XKRX: variants seen among roughly 807,000 people sequenced by gnomAD.
XKRX encodes the protein XK-related protein 2.
In XKRX, 11 loss-of-function variants were observed where a neutral mutation model predicts 22.4. That is an observed-to-expected ratio of 0.49 (90% confidence interval 0.31 to 0.81). The LOEUF is 0.81. XKRX is among the 40% of genes least tolerant of loss of function. The pLI, the probability that XKRX is intolerant of heterozygous loss-of-function variation, is 0.05. For missense variants in XKRX, 320 were observed against 336.5 expected, an observed-to-expected ratio of 0.95 and a Z score of 0.38; for synonymous variants, 114 against 132.2, an observed-to-expected ratio of 0.86 and a Z score of 0.94.
intron 2 of XKRX, among the ~76,000 whole-genome samples, chrX:100,917,674 A>AAAGAAAGAAAGAAAGAAAGAAAAG (rs34196882): frequency 2.8e-4 from 7 of 25,413 alleles, no homozygotes; most frequent in African/African-American, 1.2e-3. Context: ...AGAAAGAAAG[A>AAAGAAAGAAAGAAAGAAAGAAAAG]AAAGAAAGAA....
chrX:100,956,694 G>T, the XKRX span: 1 of 551,977 alleles, frequency 1.8e-6, no homozygotes, highest in Admixed American at 2.3e-5. Context: ...TGAAAGTGAA[G>T]AGCAAGATGA....
the XKRX span, among the ~76,000 whole-genome samples, chrX:100,950,814 C>G: frequency 2.7e-5 from 3 of 111,548 alleles, no homozygotes; most frequent in Admixed American, 9.6e-5. Flanking sequence ...GAAGAAGTCT[C>G]AAGGGAAATT....
At chrX:100,949,364 G>GGTT in the XKRX span, among the ~76,000 whole-genome samples, 1 of 15,993 alleles carries the variant, frequency 6.3e-5, no homozygotes, top group Non-Finnish European at 1.6e-4. Context: ...GTTTTTGGTT[G>GGTT]TTTTTTTTTT....
At chrX:100,892,063 C>T in the XKRX span, among the ~76,000 whole-genome samples, 1 of 111,367 alleles carries the variant, frequency 9.0e-6, no homozygotes, top group Non-Finnish European at 1.9e-5. Flanking sequence ...AAAGCTTCTG[C>T]ACAGCAAAGG....
At chrX:100,924,568 T>C (rs926808001) in intron 1 of XKRX, among the ~76,000 whole-genome samples, 2 of 111,508 alleles carry the variant, frequency 1.8e-5, no homozygotes, top group Admixed American at 1.9e-4. Context: ...AACACCTGAG[T>C]TACCACTTCG....
chrX:100,909,902 C>CAAAAAAA (rs5903174), downstream of XKRX, among the ~76,000 whole-genome samples: 3 of 34,550 alleles, frequency 8.7e-5, no homozygotes, highest in Admixed American at 4.9e-4. Context: ...GACTCCATCT[C>CAAAAAAA]AAAAAAAAAA....
At chrX:100,958,272 C>G in the XKRX span, among the ~76,000 whole-genome samples, 1 of 111,762 alleles carries the variant, frequency 8.9e-6, no homozygotes, top group African/African-American at 3.2e-5. Flanking sequence ...GAAAAGAACA[C>G]GGAAACCTTT....
intron 2 of XKRX, among the ~76,000 whole-genome samples, chrX:100,916,301 TCA>T (rs1383451791): frequency 1.8e-5 from 2 of 112,231 alleles, no homozygotes; most frequent in Admixed American, 1.9e-4. Flanking sequence ...TAGTCTTATA[TCA>T]GTTTTAGAAA....
upstream of XKRX, among the ~76,000 whole-genome samples, chrX:100,930,889 C>T (rs1212783947): frequency 9.1e-6 from 1 of 110,279 alleles, no homozygotes; most frequent in African/African-American, 3.3e-5. Context: ...CCCAGCATTT[C>T]GGGAGGCCAA....
At chrX:100,917,084 G>A (rs1455761842) in intron 2 of XKRX, among the ~76,000 whole-genome samples, 5 of 110,787 alleles carry the variant, frequency 4.5e-5, no homozygotes, top group Non-Finnish European at 9.5e-5. Flanking sequence ...GCACCACTGC[G>A]ATCCAGCCTG....
intron 1 of XKRX, among the ~76,000 whole-genome samples, chrX:100,925,818 A>G (rs2085495489): frequency 8.9e-6 from 1 of 112,241 alleles, no homozygotes; most frequent in South Asian, 3.7e-4. Context: ...CATATAGGCC[A>G]GCTGAGTTAT....
the XKRX span, among the ~76,000 whole-genome samples, chrX:100,901,644 C>T: frequency 9.2e-4 from 103 of 111,978 alleles, no homozygotes; most frequent in Non-Finnish European, 1.0e-3. Flanking sequence ...ATTTACAAAA[C>T]ACTTCACCCA....
the XKRX span, among the ~76,000 whole-genome samples, chrX:100,937,414 C>T: frequency 8.9e-6 from 1 of 112,041 alleles, no homozygotes; most frequent in Non-Finnish European, 1.9e-5. Flanking sequence ...ACCATCTCCC[C>T]AGTTTACCAT....
intron 2 of XKRX, among the ~76,000 whole-genome samples, chrX:100,915,681 G>T (rs908965891): frequency 6.0e-5 from 5 of 83,099 alleles, no homozygotes; most frequent in Non-Finnish European, 1.1e-4. Flanking sequence ...AAATCTGGTG[G>T]GTGTGTCTGT....
At chrX:100,945,806 CAAAAAAAAAAA>C in the XKRX span, among the ~76,000 whole-genome samples, 3 of 31,852 alleles carry the variant, frequency 9.4e-5, no homozygotes, top group Admixed American at 5.2e-4. Flanking sequence ...ATTCTGTCTC[CAAAAAAAAAAA>C]AAAAAAAAAA....
At chrX:100,925,513 C>T (rs1465182649) in intron 1 of XKRX, among the ~76,000 whole-genome samples, 2 of 111,499 alleles carry the variant, frequency 1.8e-5, no homozygotes, top group East Asian at 5.6e-4. Context: ...AGCTAAACAA[C>T]AAAAATGAAA....
chrX:100,946,185 A>G, the XKRX span, among the ~76,000 whole-genome samples: 1 of 109,654 alleles, frequency 9.1e-6, no homozygotes, highest in African/African-American at 3.4e-5. Context: ...ACTCCGTCTA[A>G]AAAGAAAAAA....
At chrX:100,944,614 C>T in the XKRX span, among the ~76,000 whole-genome samples, 9 of 112,355 alleles carry the variant, frequency 8.0e-5, no homozygotes, top group South Asian at 1.1e-3. Flanking sequence ...CCACCTACCT[C>T]GGCCTCCCCA....
the XKRX span, among the ~76,000 whole-genome samples, chrX:100,954,287 C>T: frequency 4.8e-4 from 53 of 110,878 alleles, no homozygotes; most frequent in Middle Eastern, 9.3e-3. Flanking sequence ...GGTGTGGTGG[C>T]AGGCACCTGT....
Sources: allele counts gnomAD v4.1 joint callset (sites outside exome capture counted in the v4.1 genomes callset), GRCh38; gene constraint gnomAD v4.1.1; transcripts MANE v1.5; gene names NCBI Gene and HGNC (gene_info 2026-07-23, HGNC 2026-07-21).